Variants in RALY observed in about 807,000 individuals in gnomAD.
RALY encodes RALY heterogeneous nuclear ribonucleoprotein.
Under a neutral mutation model 30.7 loss-of-function variants are expected in RALY, and 15 were observed. That is an observed-to-expected ratio of 0.49 (90% CI 0.33 to 0.75). RALY has a LOEUF of 0.75. Among genes scored for constraint, RALY ranks in the 30% least tolerant of loss-of-function variants. The pLI is 0.02. For synonymous variants in RALY, 177 were observed against 170.8 expected (o/e 1.04, Z -0.28); for missense variants, 339 against 414.3 (o/e 0.82, Z 1.58).
chr20:34,005,009 A>G (rs1322574205), intron 1 of RALY, among the ~76,000 whole-genome samples: 1 of 152,134 alleles, frequency 6.6e-6, no homozygotes, highest in Non-Finnish European at 1.5e-5. Context: ...TAGAAAATGT[A>G]CCTTAAATTA....
intron 1 of RALY, among the ~76,000 whole-genome samples, chr20:34,026,463 C>T (rs903234380): frequency 4.7e-4 from 71 of 151,706 alleles, no homozygotes; most frequent in African/African-American, 1.6e-3. Context: ...AGTGCAGTGG[C>T]GTGTTCTCGG....
intron 2 of RALY, among the ~76,000 whole-genome samples, chr20:34,035,164 A>AC (rs2032438485): frequency 8.7e-6 from 1 of 115,112 alleles, no homozygotes; most frequent in Admixed American, 8.3e-5. Flanking sequence ...AAAAAAAAAA[A>AC]AAAAAAAAAA....
chr20:34,008,388 G>A lies in RALY; in HGVS notation c.-93+14257G>A, dbSNP rs145226652. Among the ~76,000 whole-genome samples the A allele has an allele frequency of 4.5e-3, 690 of 152,278 alleles. 7 individuals carry two copies. The highest frequency in any genetic ancestry group is 0.016 in the African/African-American group (656 of 41,544). On this transcript the variant is annotated intron_variant, in intron 1 of 9. Coordinates refer to ENST00000246194, the MANE Select transcript of RALY (RefSeq NM_016732.3). ...AGCGTTGTACTGTTCACTCCCAACGGCATCTGACTGTAATGGGGGTAATTT... is the reference window on the plus strand; with the variant it reads ...AGCGTTGTACTGTTCACTCCCAACGACATCTGACTGTAATGGGGGTAATTT...
chr20:34,075,954 C>T lies in RALY; in HGVS notation c.458C>T (p.Pro153Leu). The change falls in exon 6 of 10, where the codon CCT (proline) becomes CTT (leucine). Residue 153 changes from proline (P) to leucine (L), a missense_variant. This residue lies in a region of RALY where 268 missense variants were observed against 280.6 expected (regional missense o/e 0.95). Transcript: ENST00000246194. ...VPVKRPRVTVPLVRRVKTNVP... is the reference protein window; with the variant it reads ...VPVKRPRVTVLLVRRVKTNVP... ...GTGAAGCGACCCCGGGTCACAGTCC[C>T]TTTGGTCCGGCGTGTCAAAACTAAC... 1 of 1,614,246 alleles carries T rather than the reference C, an allele frequency of 6.2e-7. No individual in the cohort carries two copies. Among genetic ancestry groups the T allele is most frequent in the Non-Finnish European group, 8.5e-7 (1 of 1,180,036 alleles).
At chr20:34,063,988 C>T (rs1300149811) in intron 2 of RALY, among the ~76,000 whole-genome samples, 5 of 151,884 alleles carry the variant, frequency 3.3e-5, no homozygotes, top group African/African-American at 4.8e-5. Flanking sequence ...CCAGACCAAC[C>T]GCTGGATAAA....
At chr20:34,048,310 T>TG (rs1421932008) in intron 2 of RALY, among the ~76,000 whole-genome samples, 5 of 152,050 alleles carry the variant, frequency 3.3e-5, no homozygotes, top group Admixed American at 2.6e-4. Context: ...CTCGTGCTCC[T>TG]GGGGGGATGA....
chr20:34,034,539 C>A (rs1160371620), intron 2 of RALY, among the ~76,000 whole-genome samples: 2 of 152,118 alleles, frequency 1.3e-5, no homozygotes, highest in Admixed American at 6.6e-5. Flanking sequence ...TGAATGATTC[C>A]ACGTAAATAA....
At chr20:34,056,583 C>A (rs1458825520) in intron 2 of RALY, among the ~76,000 whole-genome samples, 1 of 152,144 alleles carries the variant, frequency 6.6e-6, no homozygotes, top group Non-Finnish European at 1.5e-5. Flanking sequence ...ATGAGTAAAT[C>A]TTTTTAGCAT....
At chr20:34,026,956 C>G (rs2032066460) in intron 1 of RALY, among the ~76,000 whole-genome samples, 2 of 152,110 alleles carry the variant, frequency 1.3e-5, no homozygotes, top group African/African-American at 4.8e-5. Flanking sequence ...TATTTACTCA[C>G]AGATACTTAG....
Position 34,073,547 on chromosome 20 carries a change from T to C in RALY, c.257-16T>C, listed in dbSNP as rs1359291026. On this transcript the variant is annotated splice_polypyrimidine_tract_variant and intron_variant, in intron 3 of 9. Transcript: ENST00000246194. ...GTCATGTTAGCATTCCAACTCTGCC[T>C]TCTCCCTCCACACAGACATCAACAT... The C allele has an allele frequency of 6.4e-7, 1 of 1,567,658 alleles. No individual in the cohort carries two copies. The highest frequency in any genetic ancestry group is 1.7e-5 in the Admixed American group (1 of 59,936).
At chr20:34,052,383 G>A (rs907517131) in intron 2 of RALY, among the ~76,000 whole-genome samples, 2 of 152,142 alleles carry the variant, frequency 1.3e-5, no homozygotes, top group Admixed American at 6.5e-5. Flanking sequence ...TAAGATGAGG[G>A]AAGCTTAAGG....
At chr20:34,068,582 A>G (rs2033642551) in intron 2 of RALY, among the ~76,000 whole-genome samples, 1 of 152,224 alleles carries the variant, frequency 6.6e-6, no homozygotes, top group Non-Finnish European at 1.5e-5. Context: ...TTTGCAGGGC[A>G]GAGTAATAAG....
rs564734372 is a variant in RALY at position 34,010,214 on chromosome 20, C to T, written c.-93+16083C>T. Among the ~76,000 whole-genome samples, 8 of 152,094 alleles carry T rather than the reference C, an allele frequency of 5.3e-5. No individual in the cohort carries two copies. In the South Asian group the frequency reaches 6.2e-4, roughly 12 times the overall value. Reference sequence around the variant, plus strand: ...ATGGACATTAATTCAGAATCAAAACCGTTTTACTTATGAGTTGGTACCTGG... The same window carrying T: ...ATGGACATTAATTCAGAATCAAAACTGTTTTACTTATGAGTTGGTACCTGG... On this transcript the variant is annotated intron_variant, in intron 1 of 9. Coordinates refer to ENST00000246194, the MANE Select transcript of RALY (RefSeq NM_016732.3).
chr20:34,022,929 A>C (rs753342481), intron 1 of RALY, among the ~76,000 whole-genome samples: 48 of 152,200 alleles, frequency 3.2e-4, no homozygotes, highest in Non-Finnish European at 6.5e-4. Flanking sequence ...TATATGCTCA[A>C]AGATCATTTG....
chr20:34,036,264 T>C (rs573100016), intron 2 of RALY, among the ~76,000 whole-genome samples: 1 of 152,330 alleles, frequency 6.6e-6, no homozygotes, highest in Non-Finnish European at 1.5e-5. Context: ...AAGTATTCCA[T>C]CTTTCAGGCT....
chr20:34,059,881 A>G (rs548920207), intron 2 of RALY, among the ~76,000 whole-genome samples: 28 of 152,314 alleles, frequency 1.8e-4, no homozygotes, highest in African/African-American at 3.6e-4. Flanking sequence ...GGGGAGCCCA[A>G]TCTGCTCTAG....
intron 2 of RALY, among the ~76,000 whole-genome samples, chr20:34,060,607 A>G (rs1601489706): frequency 6.6e-6 from 1 of 152,218 alleles, no homozygotes; most frequent in Non-Finnish European, 1.5e-5. Flanking sequence ...CCAAAAGGTC[A>G]TGTCAGCCAG....
chr20:33,994,356 G>A (rs1270526336), intron 1 of RALY: 1 of 152,858 alleles, frequency 6.5e-6, no homozygotes, highest in Non-Finnish European at 1.5e-5. Flanking sequence ...TCCGCGCCCG[G>A]TCCTGCTCCC....
At chr20:33,999,456 T>C (rs1014988188) in intron 1 of RALY, among the ~76,000 whole-genome samples, 5 of 152,052 alleles carry the variant, frequency 3.3e-5, no homozygotes, top group African/African-American at 1.2e-4. Flanking sequence ...CAAACATTAG[T>C]TTAGGAAGAG....
Sources: gnomAD v4.1 joint callset for allele counts (sites outside exome capture counted in the v4.1 genomes callset) on GRCh38, gnomAD v4.1.1 for gene constraint, gnomAD v4.1.1 regional missense constraint, MANE v1.5 for transcripts, NCBI Gene and HGNC (gene_info 2026-07-23, HGNC 2026-07-21) for gene names.